ZNF384: variants seen among roughly 807,000 people sequenced by gnomAD.
ZNF384 encodes zinc finger protein 384.
In ZNF384, 20 loss-of-function variants were observed where a neutral mutation model predicts 65.0. The observed-to-expected ratio is 0.31, with a 90% CI of 0.22 to 0.45. ZNF384 has a LOEUF of 0.45. ZNF384 is among the 20% of genes least tolerant of loss of function. The pLI, the probability that ZNF384 is intolerant of heterozygous loss-of-function variation, is 1.00. For missense variants in ZNF384, 549 were observed against 769.4 expected (o/e 0.71, Z 3.39); for synonymous variants, 310 against 303.9 (o/e 1.02, Z -0.21).
At chr12:6,679,603 G>A (rs766556115) in intron 2 of ZNF384, 78 bp from the exon 3 acceptor site, 233 of 1,154,244 alleles carry the variant, frequency 2.0e-4, no homozygotes, top group Non-Finnish European at 2.8e-4. Context: ...GGGAACTGAA[G>A]AGTTCCTGGT....
intron 10 of ZNF384, among the ~76,000 whole-genome samples, chr12:6,669,445 G>A (rs1301935387): frequency 6.6e-6 from 1 of 152,126 alleles, no homozygotes; most frequent in Admixed American, 6.5e-5. Flanking sequence ...ATGAGGCATG[G>A]GGATCTTTAG....
In ZNF384 at chr12:6,680,509, G is replaced by A. The variant is rs949370981; in HGVS notation, c.-5-984C>T. On this transcript the variant is annotated intron_variant, in intron 2 of 11. Coordinates refer to ENST00000683879, the MANE Select transcript of ZNF384 (RefSeq NM_001385745.1). ...ACTAAAAATACAAAATTAGCTGGGC[G>A]TGGTGGCACATGCCTGTGATCCCAG... Among the ~76,000 whole-genome samples the A allele has an allele frequency of 3.4e-4, 52 of 152,110 alleles. 1 individual carries two copies. The highest frequency in any genetic ancestry group is 2.0e-3 in the Admixed American group (31 of 15,284).
In ZNF384 at chr12:6,667,678, C is replaced by T; in HGVS notation, c.*36G>A. The T allele has an allele frequency of 6.2e-7, 1 of 1,613,796 alleles. No individual in the cohort carries two copies. Among genetic ancestry groups the T allele is most frequent in the Non-Finnish European group, 8.5e-7 (1 of 1,179,956 alleles). ...TTGGAGAAAGAAGACACCAGGACTACTTCTTCCTCTTCCCAGTGGGTGGCA... is the reference window on the plus strand; with the variant it reads ...TTGGAGAAAGAAGACACCAGGACTATTTCTTCCTCTTCCCAGTGGGTGGCA... On this transcript the variant is annotated 3_prime_UTR_variant, in exon 12 of 12. Coordinates refer to ENST00000683879, the MANE Select transcript of ZNF384 (RefSeq NM_001385745.1).
intron 2 of ZNF384, among the ~76,000 whole-genome samples, chr12:6,686,958 G>A (rs1958143638): frequency 6.6e-6 from 1 of 152,162 alleles, no homozygotes; most frequent in African/African-American, 2.4e-5. Context: ...ACTACAGAAA[G>A]AACTTAAGAC....
At chr12:6,677,987 G>A in intron 6 of ZNF384, 140 bp downstream of exon 6, 1 of 748,948 alleles carries the variant, frequency 1.3e-6, no homozygotes. Context: ...CCTATGATGG[G>A]ACACCTGACA....
intron 11 of ZNF384, 133 bp downstream of exon 11, chr12:6,668,898 T>C: frequency 1.1e-6 from 1 of 909,884 alleles, no homozygotes; most frequent in South Asian, 2.2e-5. Flanking sequence ...TTTCTGAATA[T>C]TTACCTGTTC....
In ZNF384 at chr12:6,679,164, A is replaced by C; in HGVS notation, c.86T>G (p.Ile29Ser). The change falls in exon 4 of 12, where the codon ATC (isoleucine) becomes AGC (serine). Residue 29 changes from isoleucine to serine, a missense_variant. Transcript: ENST00000683879. ...VSGQIENTMF[I>S]NKMKDQLLPE... is the part of the protein sequence containing the mutation. ...CAACAGCTGATCCTTCATCTTGTTG[A>C]TGAACATTGTGTTCTCGATCTAAGA... The C allele has an allele frequency of 6.3e-7, 1 of 1,590,698 alleles. No homozygotes were observed. The highest frequency in any genetic ancestry group is 1.3e-5 in the African/African-American group (1 of 74,442).
In ZNF384 at chr12:6,677,243, C is replaced by A. The variant is rs1358418403; in HGVS notation, c.703G>T (p.Gly235Cys). ...GKTYRSEGNC[G>C]TGNGQSLGLM... ...CCAAGGCTCTGTCCATTTCCTGTGC[C>A]GCAGTTCCCTTCGCTCCTAAAATGG... Residue 235 changes from glycine (G) to cysteine (C), a missense_variant, in exon 7 of 12, where the codon GGC becomes TGC. Coordinates refer to ENST00000683879, the MANE Select transcript of ZNF384 (RefSeq NM_001385745.1). 7.6e-7 allele frequency: 1 copy of A among 1,312,888 alleles called. No individual in the cohort carries two copies. The highest frequency in any genetic ancestry group is 4.3e-5 in the East Asian group (1 of 23,372). 81.3% of individuals were successfully genotyped at this position (1,312,888 alleles called of 1,614,324 possible).
At chr12:6,674,021 C>T (rs554719155) in intron 7 of ZNF384, among the ~76,000 whole-genome samples, 1 of 152,178 alleles carries the variant, frequency 6.6e-6, no homozygotes, top group South Asian at 2.1e-4. Context: ...TATGTCTGCT[C>T]TCCACCCTCT....
chr12:6,675,841 T>C (rs1318800577), intron 7 of ZNF384, among the ~76,000 whole-genome samples: 2 of 152,184 alleles, frequency 1.3e-5, no homozygotes, highest in South Asian at 4.1e-4. Context: ...GATGAAGGCA[T>C]GGCTGATCTT....
At chr12:6,676,616 C>A (rs1399024262) in intron 7 of ZNF384, among the ~76,000 whole-genome samples, 1 of 152,172 alleles carries the variant, frequency 6.6e-6, no homozygotes, top group Admixed American at 6.5e-5. Flanking sequence ...GTTAAAGGAT[C>A]CTTCTACTAC....
rs1305209830 is a variant in ZNF384, at chr12:6,673,520, A to G, written c.780-80T>C. 2.1e-5 allele frequency: 27 copies of G among 1,275,270 alleles called. No homozygotes were observed. Among genetic ancestry groups the G allele is most frequent in the East Asian group, 1.7e-4 (7 of 40,886 alleles). The allele number at this position is 1,275,270 out of a possible 1,614,324, so 79.0% of individuals were successfully genotyped here. A position where few individuals can be genotyped will look rare whatever the true frequency, so the allele number is the denominator to read the frequency against. On this transcript the variant is annotated intron_variant, in intron 7 of 11. Transcript: ENST00000683879. The surrounding 1 kb of genome is among the most constrained non-coding windows in gnomAD (Gnocchi z 4.7). ...AACCCTCCCCTCTACTTCCAAGAGA[A>G]GCCCACCTATCTGAGGTCTCTCCTA...
chr12:6,674,705 G>T (rs1394281137), intron 7 of ZNF384, among the ~76,000 whole-genome samples: 1 of 152,164 alleles, frequency 6.6e-6, no homozygotes, highest in East Asian at 1.9e-4. Context: ...GTTCTACTCA[G>T]GCTTCAGTTA....
intron 7 of ZNF384, among the ~76,000 whole-genome samples, chr12:6,674,867 C>A (rs1239246846): frequency 6.6e-6 from 1 of 152,226 alleles, no homozygotes; most frequent in Non-Finnish European, 1.5e-5. Context: ...AGCCTTAGTG[C>A]TGATGGACAA....
chr12:6,688,011 T>C (rs1418588063), intron 2 of ZNF384, among the ~76,000 whole-genome samples, 156 bp downstream of exon 2: 1 of 152,054 alleles, frequency 6.6e-6, no homozygotes, highest in Admixed American at 6.6e-5. Context: ...CAAGAGATAA[T>C]AGAAAAAAAC....
rs368803023 is a variant in ZNF384, at chr12:6,668,126, T to C, written c.1426-11A>G. ...CATAAGGTATGTTTCCTGAGGGAGA[T>C]GGTAAAAAGAAGTTGAGGGATAAAG... On this transcript the variant is annotated splice_polypyrimidine_tract_variant and intron_variant, in intron 11 of 11. Transcript: ENST00000683879. The C allele has an allele frequency of 2.8e-5, 43 of 1,561,012 alleles. No individual in the cohort carries two copies. Among genetic ancestry groups the C allele is most frequent in the Non-Finnish European group, 3.4e-5 (39 of 1,154,036 alleles).
rs12320970 is a variant in ZNF384 at position 6,675,887 on chromosome 12, C to T, written c.779+1280G>A. 5.0e-3 allele frequency among the ~76,000 whole-genome samples: 765 copies of T among 152,274 alleles called. 5 individuals are homozygous for T. The highest frequency in any genetic ancestry group is 0.017 in the African/African-American group (696 of 41,534). ...ATATGGGAACAAAGAGTGGGAGATA[C>T]GTTGACTTGACCAGAGTAACAGAAC... On this transcript the variant is annotated intron_variant, in intron 7 of 11. Coordinates refer to ENST00000683879, the MANE Select transcript of ZNF384 (RefSeq NM_001385745.1).
Position 6,672,149 on chromosome 12 carries a change from T to C in ZNF384, c.1187+201A>G. ...ATATAGTCACTGCAGCTCCCCGACG[T>C]AGCTCTTGCCCCAGAGAAGCTCTGT... is the stretch of plus-strand genomic sequence containing the variant. On this transcript the variant is annotated intron_variant, in intron 9 of 11. Transcript: ENST00000683879. This position sits in a 1 kb window ranked among gnomAD's most constrained non-coding sequence, Gnocchi z 4.4. The C allele has an allele frequency of 3.4e-6, 2 of 583,594 alleles. No homozygotes were observed. Among genetic ancestry groups the C allele is most frequent in the Middle Eastern group, 4.6e-4 (1 of 2,172 alleles). 36.2% of individuals were successfully genotyped at this position (583,594 alleles called of 1,614,324 possible).
At chr12:6,670,951 G>T (rs1951262067) in intron 9 of ZNF384, 113 bp from the exon 10 acceptor site, 2 of 839,502 alleles carry the variant, frequency 2.4e-6, no homozygotes, top group Non-Finnish European at 3.8e-6. Context: ...CATCAGATGG[G>T]CCTCCAAGAG....
Sources: allele counts gnomAD v4.1 joint callset (sites outside exome capture counted in the v4.1 genomes callset), GRCh38; gene constraint gnomAD v4.1.1; non-coding constraint Gnocchi (gnomAD v3.1); transcripts MANE v1.5; gene names NCBI Gene and HGNC (gene_info 2026-07-23, HGNC 2026-07-21).